The following CLYBL variants were observed in gnomAD, a reference collection of about 807,000 sequenced individuals.
CLYBL encodes the protein citramalyl-CoA lyase, also known as citramalyl-CoA lyase, mitochondrial.
Under a neutral mutation model 38.9 loss-of-function variants are expected in CLYBL, and 31 were observed. The observed-to-expected ratio is 0.80, with a 90% CI of 0.60 to 1.08. The LOEUF (loss-of-function observed/expected upper bound fraction) is 1.08, where lower values mean the gene tolerates loss of function less well. Ranked by LOEUF, CLYBL falls within the 50% of genes least tolerant of loss-of-function variation. The pLI is 0.00. For synonymous variants in CLYBL, 171 were observed against 158.6 expected, an observed-to-expected ratio of 1.08 and a Z score of -0.59; for missense variants, 434 against 411.6, an observed-to-expected ratio of 1.05 and a Z score of -0.47.
At chr13:99,644,037 A>G (rs1364347359) in intron 1 of CLYBL, among the ~76,000 whole-genome samples, 1 of 151,362 alleles carries the variant, frequency 6.6e-6, no homozygotes, top group African/African-American at 2.4e-5. Flanking sequence ...GAACTGTAAC[A>G]TAATAGGAAA....
intron 7 of CLYBL, among the ~76,000 whole-genome samples, chr13:99,882,567 G>A (rs1423627394): frequency 1.3e-5 from 2 of 152,062 alleles, no homozygotes; most frequent in Admixed American, 6.6e-5. Flanking sequence ...GGGAGGCTGA[G>A]GTGGGAGGAC....
chr13:99,687,539 G>A (rs931247697), intron 1 of CLYBL, among the ~76,000 whole-genome samples: 2 of 152,192 alleles, frequency 1.3e-5, no homozygotes, highest in Admixed American at 1.3e-4. Context: ...GATAATTCTT[G>A]TGTGTTCTCT....
At chr13:99,777,806 ATTACAT>A (rs1249594316) in intron 2 of CLYBL, among the ~76,000 whole-genome samples, 3 of 152,152 alleles carry the variant, frequency 2.0e-5, no homozygotes, top group African/African-American at 7.2e-5. Context: ...CAAGTGCTGT[ATTACAT>A]ATATTGTTAT....
At chr13:99,766,560 T>G in intron 1 of CLYBL, among the ~76,000 whole-genome samples, 1 of 152,180 alleles carries the variant, frequency 6.6e-6, no homozygotes, top group Admixed American at 6.5e-5. Context: ...GAGATCATGA[T>G]TCCCTGTTTG....
chr13:99,823,839 C>T (rs942110292), intron 2 of CLYBL, among the ~76,000 whole-genome samples: 39 of 152,224 alleles, frequency 2.6e-4, no homozygotes, highest in African/African-American at 9.2e-4. Flanking sequence ...AAGTTGTCAT[C>T]CACTGCTCCA....
At chr13:99,875,516 T>C (rs773264790) in intron 7 of CLYBL, among the ~76,000 whole-genome samples, 6 of 152,214 alleles carry the variant, frequency 3.9e-5, no homozygotes, top group Admixed American at 1.3e-4. Flanking sequence ...AAAAGAAATA[T>C]TGCTTGGTCC....
chr13:99,815,972 G>C (rs1374760705), intron 2 of CLYBL, among the ~76,000 whole-genome samples: 1 of 152,122 alleles, frequency 6.6e-6, no homozygotes, highest in African/African-American at 2.4e-5. Flanking sequence ...ATTTTGTATA[G>C]GTACAGTTAT....
At chr13:99,820,390 T>G (rs1566340650) in intron 2 of CLYBL, among the ~76,000 whole-genome samples, 1 of 151,874 alleles carries the variant, frequency 6.6e-6, no homozygotes, top group Admixed American at 6.6e-5. Flanking sequence ...CAAACAAGAG[T>G]GAAACAATCA....
intron 2 of CLYBL, among the ~76,000 whole-genome samples, chr13:99,826,288 T>G (rs1566343076): frequency 6.6e-6 from 1 of 152,178 alleles, no homozygotes; most frequent in Non-Finnish European, 1.5e-5. Context: ...CAAGCAAAAC[T>G]GGGGTTTCCT....
At chr13:99,661,535 A>G (rs763753257) in intron 1 of CLYBL, among the ~76,000 whole-genome samples, 3 of 152,228 alleles carry the variant, frequency 2.0e-5, no homozygotes, top group Admixed American at 6.5e-5. Flanking sequence ...GCATATGCAC[A>G]TGGAAGTGAT....
In CLYBL at chr13:99,669,495, T is replaced by C. The variant is rs894831192; in HGVS notation, c.62+62738T>C. Reference sequence around the variant, plus strand: ...TGGGAGGGGAGGGTGTCATAAGCCTTGAAAAAGTTAGATATTCCAAAGAAC... The same window carrying C: ...TGGGAGGGGAGGGTGTCATAAGCCTCGAAAAAGTTAGATATTCCAAAGAAC... On this transcript the variant is annotated intron_variant, in intron 1 of 8. Coordinates refer to ENST00000339105, the MANE Select transcript of CLYBL (RefSeq NM_206808.5). 2.6e-5 allele frequency among the ~76,000 whole-genome samples: 4 copies of C among 152,154 alleles called. No individual in the cohort carries two copies. In the South Asian group the frequency reaches 6.2e-4, roughly 24 times the overall value.
chr13:99,834,630 G>C (rs1373377061), intron 2 of CLYBL, among the ~76,000 whole-genome samples: 1 of 152,098 alleles, frequency 6.6e-6, no homozygotes, highest in Non-Finnish European at 1.5e-5. Context: ...TTCCTCGAGG[G>C]TGTGGGCTGC....
At chr13:99,750,781 T>C (rs1343055430) in intron 1 of CLYBL, among the ~76,000 whole-genome samples, 6 of 151,950 alleles carry the variant, frequency 3.9e-5, no homozygotes, top group Non-Finnish European at 8.8e-5. Context: ...CTTACTTAAA[T>C]TTATTAGAAA....
chr13:99,864,923 ATCTC>A lies in CLYBL; in HGVS notation c.634+22_634+25del, dbSNP rs745837149. 2.1e-5 allele frequency: 33 copies of A among 1,555,262 alleles called. No homozygotes were observed. Among genetic ancestry groups the A allele is most frequent in the African/African-American group, 1.5e-4 (11 of 71,536 alleles). Reference sequence around the variant, plus strand: ...TCGAGCCAGCATAGGTGTCAAAGACATCTCTCTCTCTCTTTTTCTGTGTGTGTGT... The same window carrying A: ...TCGAGCCAGCATAGGTGTCAAAGACATCTCTCTCTTTTTCTGTGTGTGTGT... On this transcript the variant is annotated intron_variant, in intron 5 of 8. Coordinates refer to ENST00000339105, the MANE Select transcript of CLYBL (RefSeq NM_206808.5).
At chr13:99,672,632 C>T (rs771316927) in intron 1 of CLYBL, among the ~76,000 whole-genome samples, 3 of 151,222 alleles carry the variant, frequency 2.0e-5, no homozygotes, top group Non-Finnish European at 2.9e-5. Context: ...AAAAGTTAGC[C>T]AGGCGTGGTG....
At chr13:99,624,023 A>G (rs2046835193) in intron 1 of CLYBL, among the ~76,000 whole-genome samples, 1 of 152,014 alleles carries the variant, frequency 6.6e-6, no homozygotes, top group South Asian at 2.1e-4. Flanking sequence ...TATGTAGTTC[A>G]TAAGAACACC....
intron 1 of CLYBL, among the ~76,000 whole-genome samples, chr13:99,676,447 C>G (rs2047652762): frequency 6.6e-6 from 1 of 151,024 alleles, no homozygotes; most frequent in African/African-American, 2.4e-5. Context: ...ATTACAGGCA[C>G]CTGCCACCAG....
At chr13:99,645,497 CAAAAAAA>C in intron 1 of CLYBL, among the ~76,000 whole-genome samples, 1 of 94,188 alleles carries the variant, frequency 1.1e-5, no homozygotes, top group East Asian at 2.8e-4. Context: ...GACTCTGTCT[CAAAAAAA>C]AAAAAAAAAA....
intron 1 of CLYBL, among the ~76,000 whole-genome samples, chr13:99,765,874 CAG>C (rs1376604474): frequency 1.6e-4 from 21 of 130,724 alleles, no homozygotes; most frequent in African/African-American, 6.0e-4. Flanking sequence ...TTTTTAAAGA[CAG>C]GTTCTCATTC....
Sources: gnomAD v4.1 joint callset for allele counts (sites outside exome capture counted in the v4.1 genomes callset) on GRCh38, gnomAD v4.1.1 for gene constraint, MANE v1.5 for transcripts, NCBI Gene and HGNC (gene_info 2026-07-23, HGNC 2026-07-21) for gene names.